MAPK10: variants seen among roughly 807,000 people sequenced by gnomAD.
MAPK10 encodes mitogen-activated protein kinase 10.
A neutral mutation model predicts 59.3 loss-of-function variants in MAPK10; 25 were observed. The ratio of observed to expected loss-of-function variants is 0.42; its 90% confidence interval spans 0.31 to 0.59. The LOEUF (loss-of-function observed/expected upper bound fraction) is 0.59, where lower values mean the gene tolerates loss of function less well. MAPK10 is among the 20% of genes least tolerant of loss of function. The probability of loss-of-function intolerance (pLI) is 0.15; values close to 1 mark genes in which losing one functional copy is unlikely to be tolerated. For synonymous variants in MAPK10, 190 were observed against 200.5 expected (o/e 0.95, Z 0.44); for missense variants, 351 against 568.9 (o/e 0.62, Z 3.90).
intron 2 of MAPK10, among the ~76,000 whole-genome samples, chr4:86,269,232 T>C (rs994521533): frequency 6.6e-6 from 1 of 152,232 alleles, no homozygotes; most frequent in African/African-American, 2.4e-5. Flanking sequence ...CCCACTAGTC[T>C]ATTAGAATGA....
At chr4:86,373,176 T>A (rs901545551) in intron 1 of MAPK10, among the ~76,000 whole-genome samples, 1 of 152,194 alleles carries the variant, frequency 6.6e-6, no homozygotes, top group Non-Finnish European at 1.5e-5. Context: ...CCCTATTTAA[T>A]AAACGACGTT....
At chr4:86,273,786 A>T (rs539857714) in intron 2 of MAPK10, among the ~76,000 whole-genome samples, 2 of 152,160 alleles carry the variant, frequency 1.3e-5, no homozygotes, top group East Asian at 3.9e-4. Context: ...GTTGCAATTT[A>T]TGTTCAAGAG....
intron 6 of MAPK10, 101 bp from the exon 7 acceptor site, chr4:86,102,133 T>C (rs541038872): frequency 1.9e-6 from 2 of 1,029,420 alleles, no homozygotes; most frequent in East Asian, 4.8e-5. Flanking sequence ...CTTCTGAACT[T>C]CTTAGCTCTG....
intron 5 of MAPK10, among the ~76,000 whole-genome samples, chr4:86,105,845 G>A (rs1167758649): frequency 6.6e-6 from 1 of 151,990 alleles, no homozygotes; most frequent in East Asian, 1.9e-4. Flanking sequence ...TCTTGGTGAG[G>A]CCTTTGCTGC....
intron 11 of MAPK10, among the ~76,000 whole-genome samples, chr4:86,053,236 A>G (rs1426793684): frequency 6.6e-6 from 1 of 152,100 alleles, no homozygotes; most frequent in East Asian, 1.9e-4. Flanking sequence ...AAACAATATT[A>G]CCTCTGCAGA....
At chr4:86,087,472 C>T (rs186787563) in intron 9 of MAPK10, among the ~76,000 whole-genome samples, 1 of 152,164 alleles carries the variant, frequency 6.6e-6, no homozygotes, top group African/African-American at 2.4e-5. Context: ...TTTAAGAAAT[C>T]TGAAGGAATT....
intron 2 of MAPK10, chr4:86,322,172 G>T (rs2095909912): frequency 6.6e-6 from 1 of 152,186 alleles, no homozygotes; most frequent in Non-Finnish European, 1.5e-5. Context: ...AGCATGTTTT[G>T]TGTCATGAGA....
intron 1 of MAPK10, among the ~76,000 whole-genome samples, chr4:86,415,850 G>A (rs764253715): frequency 1.3e-5 from 2 of 152,158 alleles, no homozygotes; most frequent in Non-Finnish European, 2.9e-5. Context: ...ACTCCAGAGC[G>A]AACTATGTAC....
intron 1 of MAPK10, among the ~76,000 whole-genome samples, chr4:86,444,040 AG>A (rs1749729891): frequency 6.6e-6 from 1 of 152,170 alleles, no homozygotes; most frequent in Non-Finnish European, 1.5e-5. Flanking sequence ...AAAAAAAAAA[AG>A]ACTGAAAAAT....
At chr4:86,082,241 T>A (rs1369927060) in intron 9 of MAPK10, 6 of 152,202 alleles carry the variant, frequency 3.9e-5, no homozygotes, top group Admixed American at 2.0e-4. Flanking sequence ...CATAAAAATA[T>A]TTGAAAGTAT....
intron 2 of MAPK10, among the ~76,000 whole-genome samples, chr4:86,340,712 C>T (rs531300731): frequency 6.6e-6 from 1 of 152,230 alleles, no homozygotes; most frequent in Non-Finnish European, 1.5e-5. Context: ...AAATTTTCAT[C>T]TCTGTGACCT....
chr4:86,199,628 TA>T (rs1418118958), intron 2 of MAPK10, among the ~76,000 whole-genome samples: 1 of 152,064 alleles, frequency 6.6e-6, no homozygotes, highest in African/African-American at 2.4e-5. Context: ...TAGCTATGTC[TA>T]CTTCTTGAAG....
At chr4:86,162,513 T>C (rs1161491449) in intron 3 of MAPK10, among the ~76,000 whole-genome samples, 2 of 152,128 alleles carry the variant, frequency 1.3e-5, no homozygotes, top group African/African-American at 2.4e-5. Flanking sequence ...TGTGATGGTC[T>C]TGGCGCAAAC....
intron 2 of MAPK10, among the ~76,000 whole-genome samples, chr4:86,197,160 T>G (rs1294846422): frequency 6.6e-6 from 1 of 152,208 alleles, no homozygotes; most frequent in Non-Finnish European, 1.5e-5. Context: ...AGTATGGCCA[T>G]TTTCACAATA....
At position 86,139,447 on chromosome 4, in the gene MAPK10, T is replaced by G. The variant is rs1363710105; in HGVS notation, c.236+19851A>C. On this transcript the variant is annotated intron_variant, in intron 4 of 13. Coordinates refer to ENST00000641462, the MANE Select transcript of MAPK10 (RefSeq NM_138982.4). ...AGCAATGGGGAAAGGATTCCCTATTTAATAAATGGTGCTGGGAAAACTGGC... is the reference window on the plus strand; with the variant it reads ...AGCAATGGGGAAAGGATTCCCTATTGAATAAATGGTGCTGGGAAAACTGGC... Among the ~76,000 whole-genome samples the G allele has an allele frequency of 4.0e-5, 6 of 150,494 alleles. No individual in the cohort carries two copies. The East Asian group carries it at 5.9e-4, about 15-fold the overall frequency.
intron 3 of MAPK10, among the ~76,000 whole-genome samples, chr4:86,181,882 T>C (rs2077010457): frequency 6.6e-6 from 1 of 152,152 alleles, no homozygotes; most frequent in Non-Finnish European, 1.5e-5. Flanking sequence ...TATCTCCTGG[T>C]TAAAATCCTG....
intron 2 of MAPK10, among the ~76,000 whole-genome samples, chr4:86,288,721 C>T (rs1382734845): frequency 1.3e-5 from 2 of 152,052 alleles, no homozygotes; most frequent in African/African-American, 4.8e-5. Flanking sequence ...AGTCTTTCTC[C>T]TCCAGAGGCT....
Position 86,017,119 on chromosome 4 carries a change from T to A in MAPK10, c.*109A>T. Reference sequence around the variant, plus strand: ...AGGCTTGGATTCTCTCCCTTGCTGTTTTCTTGATGTTGTGTGTCTGCATTT... The same window carrying A: ...AGGCTTGGATTCTCTCCCTTGCTGTATTCTTGATGTTGTGTGTCTGCATTT... On this transcript the variant is annotated 3_prime_UTR_variant, in exon 14 of 14. Transcript: ENST00000641462. This position sits in a 1 kb window ranked among gnomAD's most constrained non-coding sequence, Gnocchi z 4.4. The A allele has an allele frequency of 8.1e-7, 1 of 1,229,748 alleles. No individual in the cohort carries two copies. Among genetic ancestry groups the A allele is most frequent in the Non-Finnish European group, 1.1e-6 (1 of 878,128 alleles). The allele number at this position is 1,229,748 out of a possible 1,614,324, so 76.2% of individuals were successfully genotyped here. A position where few individuals can be genotyped will look rare whatever the true frequency, so the allele number is the denominator to read the frequency against.
intron 7 of MAPK10, 192 bp from the exon 8 acceptor site, chr4:86,101,409 G>A (rs2055367296): frequency 5.9e-6 from 3 of 510,992 alleles, no homozygotes; most frequent in South Asian, 6.3e-5. Flanking sequence ...TTTAATCCCA[G>A]AAAAGAATTG....
Sources: gnomAD v4.1 joint callset for allele counts (sites outside exome capture counted in the v4.1 genomes callset) on GRCh38, gnomAD v4.1.1 for gene constraint, Gnocchi (gnomAD v3.1) non-coding constraint, MANE v1.5 for transcripts, NCBI Gene and HGNC (gene_info 2026-07-23, HGNC 2026-07-21) for gene names.